Variants in TRDN observed in about 807,000 individuals in gnomAD.
The protein encoded by TRDN is triadin.
A neutral mutation model predicts 149.7 loss-of-function variants in TRDN; 161 were observed. That is an observed-to-expected ratio of 1.08 (90% CI 0.95 to 1.23). The LOEUF (loss-of-function observed/expected upper bound fraction) is 1.23, where lower values mean the gene tolerates loss of function less well. Ranked by LOEUF, TRDN falls within the 50% of genes most tolerant of loss-of-function variation. The probability of loss-of-function intolerance (pLI) is 0.00; values close to 1 mark genes in which losing one functional copy is unlikely to be tolerated. For synonymous variants in TRDN, 294 were observed against 250.5 expected (o/e 1.17, Z -1.64); for missense variants, 896 against 823.5 (o/e 1.09, Z -1.08).
intron 9 of TRDN, among the ~76,000 whole-genome samples, chr6:123,477,538 G>C (rs1276595276): frequency 6.8e-6 from 1 of 148,030 alleles, no homozygotes; most frequent in African/African-American, 2.5e-5. Context: ...AATACCATTT[G>C]ACCCAGCCAT....
intron 12 of TRDN, among the ~76,000 whole-genome samples, chr6:123,402,585 T>G (rs1276042502): frequency 6.6e-6 from 1 of 152,196 alleles, no homozygotes; most frequent in Non-Finnish European, 1.5e-5. Flanking sequence ...TAAGATAGAC[T>G]TTTGTCTTAG....
At chr6:123,609,412 G>A (rs1343436982) in intron 1 of TRDN, among the ~76,000 whole-genome samples, 3 of 151,908 alleles carry the variant, frequency 2.0e-5, no homozygotes, top group Non-Finnish European at 4.4e-5. Flanking sequence ...AATTAGAGGA[G>A]TATAATATAG....
At chr6:123,255,809 T>C in intron 36 of TRDN, 58 bp downstream of exon 36, 2 of 1,189,944 alleles carry the variant, frequency 1.7e-6, no homozygotes, top group Non-Finnish European at 2.2e-6. Context: ...ACATTTTGAC[T>C]TAAAATATTT....
rs141018949 is a variant in TRDN at position 123,635,323 on chromosome 6, A to AACACACACACACACACACAC, written c.22+1411_22+1430dup. 3.5e-3 allele frequency among the ~76,000 whole-genome samples: 516 copies of AACACACACACACACACACAC among 147,234 alleles called. 1 individual carries two copies. Among genetic ancestry groups the AACACACACACACACACACAC allele is most frequent in the African/African-American group, 0.012 (473 of 39,894 alleles). ...CCTGATATCCTCTCACAGAAAAGAA[A>AACACACACACACACACACAC]ACACACACACACACACACACACACA... On this transcript the variant is annotated intron_variant, in intron 1 of 40. Transcript: ENST00000334268.
intron 12 of TRDN, among the ~76,000 whole-genome samples, chr6:123,423,568 G>A (rs2114549245): frequency 6.6e-6 from 1 of 152,058 alleles, no homozygotes; most frequent in East Asian, 1.9e-4. Flanking sequence ...CTGTATGGAT[G>A]TTTATTTGAG....
At chr6:123,259,704 A>G (rs1393993579) in intron 34 of TRDN, 42 bp from the exon 35 acceptor site, 1 of 1,391,630 alleles carries the variant, frequency 7.2e-7, no homozygotes, top group South Asian at 1.3e-5. Context: ...ATTTTAAAAA[A>G]CATGACTTTC....
At chr6:123,478,632 A>G (rs1234041945) in intron 9 of TRDN, among the ~76,000 whole-genome samples, 2 of 152,090 alleles carry the variant, frequency 1.3e-5, no homozygotes, top group African/African-American at 4.8e-5. Flanking sequence ...AATGAGGCAA[A>G]GTGGATGGAT....
In TRDN at chr6:123,559,205, T is replaced by C. The variant is rs546756339; in HGVS notation, c.233-10593A>G. 4.7e-4 allele frequency among the ~76,000 whole-genome samples: 71 copies of C among 152,274 alleles called. 1 individual carries two copies. Among genetic ancestry groups the C allele is most frequent in the Admixed American group, 1.4e-3 (21 of 15,296 alleles). On this transcript the variant is annotated intron_variant, in intron 2 of 40. Coordinates refer to ENST00000334268, the MANE Select transcript of TRDN (RefSeq NM_006073.4). Reference sequence around the variant, plus strand: ...GAGTCTGTCCCCTTCTTAATCAAAATGAAAGCCACCCACTCCACATTACCT... The same window carrying C: ...GAGTCTGTCCCCTTCTTAATCAAAACGAAAGCCACCCACTCCACATTACCT...
chr6:123,258,495 G>T (rs929986228), intron 35 of TRDN, among the ~76,000 whole-genome samples: 3 of 152,134 alleles, frequency 2.0e-5, no homozygotes, highest in African/African-American at 7.2e-5. Context: ...TGACTTGATT[G>T]TGGTGGATAA....
chr6:123,384,630 CTAA>C (rs1024759453), intron 14 of TRDN, among the ~76,000 whole-genome samples: 15 of 152,000 alleles, frequency 9.9e-5, no homozygotes, highest in Middle Eastern at 3.4e-3. Flanking sequence ...TTTCTATTTC[CTAA>C]TAATAAGAAT....
chr6:123,462,534 T>C (rs1776511556), intron 10 of TRDN, among the ~76,000 whole-genome samples: 1 of 152,182 alleles, frequency 6.6e-6, no homozygotes, highest in African/African-American at 2.4e-5. Flanking sequence ...TAGTCTCCTG[T>C]GAACAAATTT....
chr6:123,505,244 CAAAAAAAAAAA>C (rs34096424), intron 7 of TRDN, among the ~76,000 whole-genome samples: 1,451 of 77,132 alleles, frequency 0.019, 14 homozygotes, highest in Non-Finnish European at 0.021. Flanking sequence ...AACTCTGTCT[CAAAAAAAAAAA>C]AAAAAAAAAA....
chr6:123,359,899 G>C (rs1448796178), intron 20 of TRDN, among the ~76,000 whole-genome samples: 1 of 152,078 alleles, frequency 6.6e-6, no homozygotes, highest in Non-Finnish European at 1.5e-5. Context: ...ATTTCACCGT[G>C]TTAGCCAGGA....
At chr6:123,261,714 A>G (rs1307192245) in intron 33 of TRDN, among the ~76,000 whole-genome samples, 2 of 151,868 alleles carry the variant, frequency 1.3e-5, no homozygotes, top group Admixed American at 1.3e-4. Context: ...CAATGAAGGT[A>G]TACAATAAAT....
At chr6:123,337,488 T>A (rs1001823267) in intron 22 of TRDN, 131 bp downstream of exon 22, 6 of 318,736 alleles carry the variant, frequency 1.9e-5, no homozygotes, top group Non-Finnish European at 3.4e-5. Context: ...CACAAGTTTT[T>A]AAAAATATGT....
At chr6:123,349,641 G>T in intron 21 of TRDN, 1 of 934,344 alleles carries the variant, frequency 1.1e-6, no homozygotes, top group Non-Finnish European at 1.3e-6. Flanking sequence ...AATTGTTTCT[G>T]TCTTTTTTTA....
Position 123,339,434 on chromosome 6 carries a change from G to A in TRDN, c.1370-1765C>T, listed in dbSNP as rs181535909. Among the ~76,000 whole-genome samples the A allele has an allele frequency of 2.0e-5, 3 of 152,254 alleles. No individual in the cohort carries two copies. In the East Asian group the frequency reaches 5.8e-4, roughly 29 times the overall value. On this transcript the variant is annotated intron_variant, in intron 21 of 40. Coordinates refer to ENST00000334268, the MANE Select transcript of TRDN (RefSeq NM_006073.4). Reference sequence around the variant, plus strand: ...AAAATGTAAAAAGGAGAGGTCTTTGGAGGAAGACATTATTTCTGTTTTGAA... The same window carrying A: ...AAAATGTAAAAAGGAGAGGTCTTTGAAGGAAGACATTATTTCTGTTTTGAA...
intron 12 of TRDN, among the ~76,000 whole-genome samples, chr6:123,433,730 A>G (rs543268612): frequency 6.6e-6 from 1 of 152,282 alleles, no homozygotes; most frequent in South Asian, 2.1e-4. Context: ...TTCACAGTTA[A>G]TAAGTTTATA....
intron 9 of TRDN, among the ~76,000 whole-genome samples, chr6:123,495,081 C>T (rs1778387659): frequency 6.6e-6 from 1 of 152,046 alleles, no homozygotes; most frequent in Non-Finnish European, 1.5e-5. Flanking sequence ...GGGTCTCACC[C>T]TGTAGCCCAG....
Sources: gnomAD v4.1 joint callset for allele counts (sites outside exome capture counted in the v4.1 genomes callset) on GRCh38, gnomAD v4.1.1 for gene constraint, MANE v1.5 for transcripts, NCBI Gene and HGNC (gene_info 2026-07-23, HGNC 2026-07-21) for gene names.